The following UBE2E2 variants were observed in gnomAD, a reference collection of about 807,000 sequenced individuals.
UBE2E2 encodes ubiquitin conjugating enzyme E2 E2.
UBE2E2 carries 6 observed loss-of-function variants against 24.7 expected under a neutral mutation model. The observed-to-expected ratio is 0.24, with a 90% confidence interval of 0.13 to 0.48. The LOEUF (loss-of-function observed/expected upper bound fraction) is 0.48, where lower values mean the gene tolerates loss of function less well. Ranked by LOEUF, UBE2E2 falls within the 20% of genes least tolerant of loss-of-function variation. The pLI is 0.99. For synonymous variants in UBE2E2, 104 were observed against 83.6 expected (o/e 1.24, Z -1.33); for missense variants, 169 against 245.0 (o/e 0.69, Z 2.07).
intron 3 of UBE2E2, among the ~76,000 whole-genome samples, chr3:23,273,543 A>G (rs954109689): frequency 4.0e-5 from 6 of 151,582 alleles, no homozygotes; most frequent in African/African-American, 9.7e-5. Flanking sequence ...AAAAAAAAAA[A>G]AGAGAGAGAA....
At chr3:23,238,108 T>C (rs1559451437) in intron 3 of UBE2E2, among the ~76,000 whole-genome samples, 2 of 152,202 alleles carry the variant, frequency 1.3e-5, no homozygotes, top group Non-Finnish European at 2.9e-5. Flanking sequence ...CTTTAGTTTA[T>C]AATCTTTATT....
chr3:23,333,396 CAG>C (rs1220524553), intron 3 of UBE2E2, among the ~76,000 whole-genome samples: 1 of 152,046 alleles, frequency 6.6e-6, no homozygotes, highest in Non-Finnish European at 1.5e-5. Flanking sequence ...TTAAGAGAAA[CAG>C]AGTTATTAGG....
chr3:23,449,128 T>A (rs984534299), intron 3 of UBE2E2, among the ~76,000 whole-genome samples: 4 of 152,196 alleles, frequency 2.6e-5, no homozygotes, highest in Non-Finnish European at 5.9e-5. Flanking sequence ...CTTATGGCAT[T>A]ACAGAACGTC....
chr3:23,523,491 C>G lies in UBE2E2; in HGVS notation c.361-9063C>G, dbSNP rs556772131. Among the ~76,000 whole-genome samples, 7 of 152,192 alleles carry G rather than the reference C, an allele frequency of 4.6e-5. No homozygotes were observed. The East Asian group carries it at 1.4e-3, about 29-fold the overall frequency. On this transcript the variant is annotated intron_variant, in intron 4 of 5. Coordinates refer to ENST00000396703, the MANE Select transcript of UBE2E2 (RefSeq NM_152653.4). ...TAGTAGTCTTATCATGTAGCATGCT[C>G]TAGCATGTAGTTAGTATTCACAGCT...
chr3:23,564,808 G>C (rs764837605), intron 5 of UBE2E2, among the ~76,000 whole-genome samples: 22 of 152,090 alleles, frequency 1.4e-4, no homozygotes, highest in Admixed American at 1.3e-4. Flanking sequence ...CTTGGAGAAA[G>C]AATTAAAGTA....
chr3:23,539,027 A>T (rs1013016069), intron 5 of UBE2E2, among the ~76,000 whole-genome samples: 1 of 152,162 alleles, frequency 6.6e-6, no homozygotes, highest in Non-Finnish European at 1.5e-5. Flanking sequence ...AAATTACCCC[A>T]TTGTAGGCTT....
chr3:23,426,918 A>C (rs1293125297), intron 3 of UBE2E2, among the ~76,000 whole-genome samples: 1 of 152,168 alleles, frequency 6.6e-6, no homozygotes, highest in Non-Finnish European at 1.5e-5. Context: ...GTGCGTATAC[A>C]CACACACATA....
intron 3 of UBE2E2, among the ~76,000 whole-genome samples, chr3:23,312,021 T>C (rs922857379): frequency 6.6e-6 from 1 of 152,184 alleles, no homozygotes; most frequent in African/African-American, 2.4e-5. Flanking sequence ...ACCATCAACT[T>C]GGTACCATCT....
intron 3 of UBE2E2, among the ~76,000 whole-genome samples, chr3:23,233,113 G>A (rs759191776): frequency 2.0e-5 from 3 of 152,216 alleles, no homozygotes; most frequent in Non-Finnish European, 4.4e-5. Context: ...TAGGGGTGCA[G>A]TGGAGTGAGG....
intron 3 of UBE2E2, among the ~76,000 whole-genome samples, chr3:23,395,389 T>G (rs970520586): frequency 1.3e-5 from 2 of 152,218 alleles, no homozygotes; most frequent in African/African-American, 2.4e-5. Flanking sequence ...TTTTTTCCTT[T>G]TTGTTCCAGG....
At chr3:23,228,721 C>T (rs1696892068) in intron 3 of UBE2E2, among the ~76,000 whole-genome samples, 2 of 152,146 alleles carry the variant, frequency 1.3e-5, no homozygotes, top group Admixed American at 1.3e-4. Flanking sequence ...TGTCTACATA[C>T]TTTAGGGACC....
intron 3 of UBE2E2, 38 bp from the exon 4 acceptor site, chr3:23,499,570 A>G: frequency 6.3e-7 from 1 of 1,580,744 alleles, no homozygotes; most frequent in Non-Finnish European, 8.6e-7. Flanking sequence ...GCCTTTATGT[A>G]ATTTCTAAGC....
chr3:23,453,243 C>G lies in UBE2E2; in HGVS notation c.228-46365C>G, dbSNP rs977800354. On this transcript the variant is annotated intron_variant, in intron 3 of 5. Transcript: ENST00000396703. ...TAAATCAACGTAGTTGTGGTGTTTT[C>G]AACTTATTTAAAATATTGAATTTTT... 2.6e-5 allele frequency among the ~76,000 whole-genome samples: 4 copies of G among 151,998 alleles called. No homozygotes were observed. The South Asian group carries it at 6.2e-4, about 24-fold the overall frequency.
At chr3:23,232,921 C>T (rs1338856304) in intron 3 of UBE2E2, among the ~76,000 whole-genome samples, 1 of 152,214 alleles carries the variant, frequency 6.6e-6, no homozygotes, top group Non-Finnish European at 1.5e-5. Context: ...GTGACAGATT[C>T]AGCTGCAAGT....
upstream of UBE2E2, chr3:23,203,249 C>T: frequency 1.0e-6 from 1 of 988,386 alleles, no homozygotes; most frequent in Non-Finnish European, 1.2e-6. Flanking sequence ...GCGGCGGCAG[C>T]GGCGGCGCTG....
chr3:23,241,097 C>T (rs75728187), intron 3 of UBE2E2, among the ~76,000 whole-genome samples: 4,347 of 152,270 alleles, frequency 0.029, 106 homozygotes, highest in East Asian at 0.13. Context: ...AAATCTGCTT[C>T]ACCCAGTCTT....
intron 5 of UBE2E2, among the ~76,000 whole-genome samples, chr3:23,568,626 T>C (rs1410874860): frequency 3.4e-5 from 5 of 147,836 alleles, no homozygotes; most frequent in East Asian, 3.9e-4. Flanking sequence ...CACACATATA[T>C]ATATGTATAC....
rs1047785992 is a variant in UBE2E2, at chr3:23,323,744, A to T, written c.227+106432A>T. On this transcript the variant is annotated intron_variant, in intron 3 of 5. Transcript: ENST00000396703. ...TCCCTTTTAGCAAACTCCTGTCCTT[A>T]TTTTAGTTTTAGTTCAATGTCACCT... 2.6e-5 allele frequency among the ~76,000 whole-genome samples: 4 copies of T among 151,978 alleles called. No homozygotes were observed. In the East Asian group the frequency reaches 7.7e-4, roughly 29 times the overall value.
At chr3:23,500,117 C>T (rs1425473727) in intron 4 of UBE2E2, among the ~76,000 whole-genome samples, 1 of 152,054 alleles carries the variant, frequency 6.6e-6, no homozygotes, top group East Asian at 1.9e-4. Context: ...AAGCTAAGCG[C>T]AAGAATCAGG....
Sources: gnomAD v4.1 joint callset for allele counts (sites outside exome capture counted in the v4.1 genomes callset) on GRCh38, gnomAD v4.1.1 for gene constraint, MANE v1.5 for transcripts, NCBI Gene and HGNC (gene_info 2026-07-23, HGNC 2026-07-21) for gene names.